Variants in ERGIC1 observed in about 807,000 individuals in gnomAD.
The protein encoded by ERGIC1 is endoplasmic reticulum-Golgi intermediate compartment protein 1.
ERGIC1 carries 19 observed loss-of-function variants against 38.3 expected under a neutral mutation model. The observed-to-expected ratio is 0.50, with a 90% CI of 0.35 to 0.73. The LOEUF (loss-of-function observed/expected upper bound fraction) is 0.73, where lower values mean the gene tolerates loss of function less well. Ranked by LOEUF, ERGIC1 falls within the 30% of genes least tolerant of loss-of-function variation. The pLI is 0.01. For synonymous variants in ERGIC1, 124 were observed against 157.6 expected, an observed-to-expected ratio of 0.79 and a Z score of 1.60; for missense variants, 294 against 389.2, an observed-to-expected ratio of 0.76 and a Z score of 2.06.
At chr5:172,888,867 G>A (rs1762487084) in intron 2 of ERGIC1, 107 bp downstream of exon 2, 2 of 1,094,634 alleles carry the variant, frequency 1.8e-6, no homozygotes, top group Non-Finnish European at 2.8e-6. Flanking sequence ...AAAGACAGGA[G>A]GGAGGAAAGA....
chr5:172,865,909 A>C (rs917525238), intron 1 of ERGIC1, among the ~76,000 whole-genome samples: 1 of 152,110 alleles, frequency 6.6e-6, no homozygotes, highest in African/African-American at 2.4e-5. Flanking sequence ...CCATCCTGAG[A>C]AGCAAACCTT....
intron 1 of ERGIC1, among the ~76,000 whole-genome samples, chr5:172,862,757 G>C (rs903886629): frequency 1.6e-4 from 24 of 152,178 alleles, no homozygotes; most frequent in African/African-American, 5.8e-4. Flanking sequence ...TACTCCTACT[G>C]TTATATGCTT....
intron 1 of ERGIC1, among the ~76,000 whole-genome samples, chr5:172,879,941 T>C (rs1762239813): frequency 6.6e-6 from 1 of 152,166 alleles, no homozygotes; most frequent in South Asian, 2.1e-4. Flanking sequence ...AAAAGACAAA[T>C]GTCCACTGAG....
At chr5:172,883,674 T>A (rs574329033) in intron 1 of ERGIC1, among the ~76,000 whole-genome samples, 1 of 152,312 alleles carries the variant, frequency 6.6e-6, no homozygotes, top group African/African-American at 2.4e-5. Context: ...GTGCCCACTG[T>A]CTTCACCTGG....
At chr5:172,905,687 G>A (rs1762999604) in intron 3 of ERGIC1, among the ~76,000 whole-genome samples, 1 of 152,192 alleles carries the variant, frequency 6.6e-6, no homozygotes, top group African/African-American at 2.4e-5. Context: ...GTCAGCGGTG[G>A]GTCTGTGACG....
intron 1 of ERGIC1, among the ~76,000 whole-genome samples, chr5:172,886,655 G>C (rs895732385): frequency 1.3e-5 from 2 of 152,164 alleles, no homozygotes; most frequent in African/African-American, 4.8e-5. Context: ...GGGGTGCCAG[G>C]CTCTGCCTAA....
chr5:172,888,667 C>T (rs1293053758), intron 1 of ERGIC1, 32 bp from the exon 2 acceptor site: 1 of 1,600,718 alleles, frequency 6.2e-7, no homozygotes, highest in Non-Finnish European at 8.6e-7. Context: ...CCTTTGTGCC[C>T]ACCTCACTCC....
intron 3 of ERGIC1, among the ~76,000 whole-genome samples, chr5:172,900,075 T>C (rs1263166019): frequency 6.6e-6 from 1 of 152,228 alleles, no homozygotes; most frequent in East Asian, 1.9e-4. Flanking sequence ...TGCCTGCTGC[T>C]GACAGCGTGT....
intron 1 of ERGIC1, among the ~76,000 whole-genome samples, chr5:172,874,182 G>A (rs1251778619): frequency 1.3e-5 from 2 of 152,080 alleles, no homozygotes; most frequent in African/African-American, 2.4e-5. Flanking sequence ...GGGTTCAAGC[G>A]ATTCTCCTGC....
chr5:172,914,254 A>AAAAAAAAAAAAAT (rs796565475), intron 4 of ERGIC1, among the ~76,000 whole-genome samples: 7 of 131,236 alleles, frequency 5.3e-5, no homozygotes, highest in East Asian at 2.1e-4. Flanking sequence ...AAAAAAAAAA[A>AAAAAAAAAAAAAT]AAATACAAAG....
Position 172,930,857 on chromosome 5 carries a change from C to T in ERGIC1, c.542-1579C>T, listed in dbSNP as rs138768625. Among the ~76,000 whole-genome samples the T allele has an allele frequency of 3.6e-3, 553 of 152,244 alleles. 6 individuals are homozygous for T. The highest frequency in any genetic ancestry group is 0.013 in the African/African-American group (529 of 41,536). ...AAGAGGTCCAGGTGTCTTTTTATTC[C>T]AAATGATTCGACTGCTTCTGACATC... is the stretch of plus-strand genomic sequence containing the variant. On this transcript the variant is annotated intron_variant, in intron 7 of 9. Coordinates refer to ENST00000393784, the MANE Select transcript of ERGIC1 (RefSeq NM_001031711.3).
intron 3 of ERGIC1, among the ~76,000 whole-genome samples, chr5:172,902,033 G>A (rs1053541325): frequency 1.3e-5 from 2 of 152,210 alleles, no homozygotes; most frequent in East Asian, 1.9e-4. Flanking sequence ...ACTAAGTGGT[G>A]TAACTGGAGT....
chr5:172,878,748 C>A (rs925914749), intron 1 of ERGIC1, among the ~76,000 whole-genome samples: 1 of 152,108 alleles, frequency 6.6e-6, no homozygotes, highest in Non-Finnish European at 1.5e-5. Flanking sequence ...CTCCCTCCCG[C>A]CTGCCTCCAC....
At chr5:172,848,875 C>T (rs957337078) in intron 1 of ERGIC1, among the ~76,000 whole-genome samples, 4 of 152,120 alleles carry the variant, frequency 2.6e-5, no homozygotes, top group Admixed American at 6.5e-5. Flanking sequence ...TTATTTTGAC[C>T]GAGTCCTGAG....
chr5:172,860,613 T>G (rs947456780), intron 1 of ERGIC1, among the ~76,000 whole-genome samples: 1 of 152,282 alleles, frequency 6.6e-6, no homozygotes, highest in Admixed American at 6.5e-5. Context: ...AGAAACAGAC[T>G]TCTCTGAGGC....
chr5:172,861,895 C>T (rs777419664), intron 1 of ERGIC1, among the ~76,000 whole-genome samples: 4 of 152,248 alleles, frequency 2.6e-5, no homozygotes, highest in Non-Finnish European at 4.4e-5. Context: ...TCAGTAGAAA[C>T]GTAGAAAGAC....
chr5:172,892,066 T>TGTTTTGG (rs1428801118), intron 2 of ERGIC1, among the ~76,000 whole-genome samples: 14 of 142,228 alleles, frequency 9.8e-5, no homozygotes, highest in Non-Finnish European at 1.5e-4. Context: ...GAGTATGTTT[T>TGTTTTGG]TTTTTTTTTT....
At position 172,837,380 on chromosome 5, in the gene ERGIC1, A is replaced by C. The variant is rs1277199576; in HGVS notation, c.20+2947A>C. Among the ~76,000 whole-genome samples, 1 of 152,178 alleles carries C rather than the reference A, an allele frequency of 6.6e-6. No individual in the cohort carries two copies. Among genetic ancestry groups the C allele is most frequent in the Non-Finnish European group, 1.5e-5 (1 of 68,012 alleles). On this transcript the variant is annotated intron_variant, in intron 1 of 9. Transcript: ENST00000393784. The surrounding 1 kb of genome is among the most constrained non-coding windows in gnomAD (Gnocchi z 4.3). ...TTTGGCCGCCATATTTATTTGTGTC[A>C]TTTTATTTAAGCACCCATCATCTCC...
At position 172,924,146 on chromosome 5, in the gene ERGIC1, T is replaced by C. The variant is rs1581579188; in HGVS notation, c.480+37T>C. 6.9e-6 allele frequency: 11 copies of C among 1,600,672 alleles called. No homozygotes were observed. The South Asian group carries it at 1.1e-4, about 16-fold the overall frequency. ...ACACTCGAGATGGCATGGCCGGGGG[T>C]GGGCCTTCAGGGGCTCTGTCACCCA... On this transcript the variant is annotated intron_variant, in intron 6 of 9. Transcript: ENST00000393784.
Sources: allele counts gnomAD v4.1 joint callset (sites outside exome capture counted in the v4.1 genomes callset), GRCh38; gene constraint gnomAD v4.1.1; non-coding constraint Gnocchi (gnomAD v3.1); transcripts MANE v1.5; gene names NCBI Gene and HGNC (gene_info 2026-07-23, HGNC 2026-07-21).